Variants in CNTNAP5 observed in about 807,000 individuals in gnomAD.
CNTNAP5 encodes the protein contactin-associated protein-like 5.
CNTNAP5 carries 72 observed loss-of-function variants against 150.2 expected under a neutral mutation model. That is an observed-to-expected ratio of 0.48 (90% confidence interval 0.40 to 0.58). The LOEUF is 0.58. CNTNAP5 is among the 20% of genes least tolerant of loss of function. CNTNAP5 has a pLI of 0.00. For missense variants in CNTNAP5, 1,636 were observed against 1,626.2 expected (o/e 1.01, Z -0.10); for synonymous variants, 672 against 619.8 (o/e 1.08, Z -1.25).
chr2:124,163,645 G>A (rs1684741055), intron 1 of CNTNAP5, among the ~76,000 whole-genome samples: 4 of 152,024 alleles, frequency 2.6e-5, no homozygotes, highest in African/African-American at 9.7e-5. Flanking sequence ...AAGCAATGTG[G>A]TTTCCTCCCT....
intron 1 of CNTNAP5, among the ~76,000 whole-genome samples, chr2:124,172,616 G>A (rs1388391105): frequency 6.6e-6 from 1 of 152,100 alleles, no homozygotes. Flanking sequence ...ATCTCGCCAT[G>A]TTGCTCAAGC....
rs146448291 is a variant in CNTNAP5, at chr2:124,462,497, C to T, written c.919-12242C>T. Among the ~76,000 whole-genome samples, 360 of 152,222 alleles carry T rather than the reference C, an allele frequency of 2.4e-3. 2 individuals carry two copies. The highest frequency in any genetic ancestry group is 8.2e-3 in the African/African-American group (340 of 41,526). On this transcript the variant is annotated intron_variant, in intron 6 of 23. Coordinates refer to ENST00000682447, the MANE Select transcript of CNTNAP5 (RefSeq NM_001367498.1). ...GGAATATTTTAATACAAGTATTATA[C>T]AAAAATGCATTGTTTTCATTAACAT... is the stretch of plus-strand genomic sequence containing the variant.
intron 1 of CNTNAP5, among the ~76,000 whole-genome samples, chr2:124,126,916 A>G (rs1683718732): frequency 6.6e-6 from 1 of 152,224 alleles, no homozygotes; most frequent in African/African-American, 2.4e-5. Context: ...ATCTCAAAAT[A>G]ATAAGAGCTA....
chr2:124,318,081 C>A (rs1180488476), intron 3 of CNTNAP5, among the ~76,000 whole-genome samples: 1 of 152,164 alleles, frequency 6.6e-6, no homozygotes, highest in Non-Finnish European at 1.5e-5. Flanking sequence ...TGAGCTGAGA[C>A]TGCACTGGAG....
intron 1 of CNTNAP5, among the ~76,000 whole-genome samples, chr2:124,201,453 A>G (rs1558798767): frequency 1.3e-5 from 2 of 152,206 alleles, no homozygotes; most frequent in South Asian, 2.1e-4. Context: ...CCTCAACACA[A>G]TCATGCTAAG....
At chr2:124,776,318 G>T (rs1681323207) in intron 17 of CNTNAP5, among the ~76,000 whole-genome samples, 1 of 150,358 alleles carries the variant, frequency 6.7e-6, no homozygotes, top group African/African-American at 2.5e-5. Flanking sequence ...CTCTATTTGT[G>T]TCAAAATAAA....
chr2:124,580,464 C>T (rs1451192721), intron 11 of CNTNAP5, among the ~76,000 whole-genome samples: 1 of 152,276 alleles, frequency 6.6e-6, no homozygotes, highest in African/African-American at 2.4e-5. Flanking sequence ...CTTCCACTTT[C>T]TGTCCACATA....
intron 5 of CNTNAP5, 40 bp from the exon 6 acceptor site, chr2:124,446,713 T>A: frequency 1.9e-6 from 3 of 1,595,794 alleles, no homozygotes; most frequent in Non-Finnish European, 2.6e-6. Flanking sequence ...AAGCTGCCCT[T>A]GGACACAGAC....
chr2:124,709,373 A>T (rs1679759866), intron 13 of CNTNAP5, among the ~76,000 whole-genome samples: 1 of 152,100 alleles, frequency 6.6e-6, no homozygotes, highest in Admixed American at 6.6e-5. Flanking sequence ...ATTAAGGAAA[A>T]CTGCCTTCCT....
At chr2:124,690,658 C>T (rs1679282712) in intron 13 of CNTNAP5, among the ~76,000 whole-genome samples, 1 of 152,056 alleles carries the variant, frequency 6.6e-6, no homozygotes, top group South Asian at 2.1e-4. Context: ...CCTAACCATC[C>T]AAGCTCTTTC....
At chr2:124,664,157 A>G (rs1246388564) in intron 13 of CNTNAP5, among the ~76,000 whole-genome samples, 1 of 152,066 alleles carries the variant, frequency 6.6e-6, no homozygotes, top group Non-Finnish European at 1.5e-5. Context: ...TGGAATTCTC[A>G]TATGAGACAC....
intron 10 of CNTNAP5, among the ~76,000 whole-genome samples, chr2:124,531,164 T>A (rs976755939): frequency 6.6e-6 from 1 of 152,032 alleles, no homozygotes; most frequent in Non-Finnish European, 1.5e-5. Flanking sequence ...TAGATTCTCA[T>A]AAGGAGTGTG....
At chr2:124,781,248 G>A (rs1681444656) in intron 17 of CNTNAP5, among the ~76,000 whole-genome samples, 1 of 152,172 alleles carries the variant, frequency 6.6e-6, no homozygotes, top group Admixed American at 6.5e-5. Context: ...TACAGGCTCA[G>A]GGAAGAGGTG....
intron 18 of CNTNAP5, among the ~76,000 whole-genome samples, chr2:124,793,468 A>G (rs1573621267): frequency 6.6e-6 from 1 of 152,172 alleles, no homozygotes; most frequent in Admixed American, 6.5e-5. Context: ...TGTTTTCTCC[A>G]GTTCTATGGG....
chr2:124,726,624 C>T (rs1227978939), intron 13 of CNTNAP5, among the ~76,000 whole-genome samples: 2 of 150,656 alleles, frequency 1.3e-5, no homozygotes, highest in Non-Finnish European at 3.0e-5. Flanking sequence ...ACTTGTTAGC[C>T]ATTTGTACGT....
At chr2:124,864,472 T>A (rs763779926) in intron 19 of CNTNAP5, among the ~76,000 whole-genome samples, 3 of 152,026 alleles carry the variant, frequency 2.0e-5, no homozygotes, top group Non-Finnish European at 4.4e-5. Context: ...TCTAGCTTAA[T>A]CTTATTTCCC....
At chr2:124,310,555 G>A (rs1166386706) in intron 3 of CNTNAP5, among the ~76,000 whole-genome samples, 1 of 151,814 alleles carries the variant, frequency 6.6e-6, no homozygotes, top group Non-Finnish European at 1.5e-5. Context: ...AACCCTCGGA[G>A]AGAGCAAGAA....
intron 3 of CNTNAP5, among the ~76,000 whole-genome samples, chr2:124,315,025 G>A (rs185631461): frequency 3.8e-4 from 57 of 151,672 alleles, no homozygotes; most frequent in African/African-American, 1.3e-3. Context: ...TGTTGCTCAG[G>A]CTAGAGTGCA....
chr2:124,534,899 T>A (rs1695194375), intron 10 of CNTNAP5, among the ~76,000 whole-genome samples: 1 of 152,104 alleles, frequency 6.6e-6, no homozygotes, highest in African/African-American at 2.4e-5. Context: ...GAATGCCTAA[T>A]CTCTTGGGAA....
Sources: allele counts gnomAD v4.1 joint callset (sites outside exome capture counted in the v4.1 genomes callset), GRCh38; gene constraint gnomAD v4.1.1; transcripts MANE v1.5; gene names NCBI Gene and HGNC (gene_info 2026-07-23, HGNC 2026-07-21).